The following ADAMTS16 variants were observed in gnomAD, a reference collection of about 807,000 sequenced individuals.
ADAMTS16 encodes the protein ADAM metallopeptidase with thrombospondin type 1 motif 16.
Under a neutral mutation model 145.8 loss-of-function variants are expected in ADAMTS16, and 94 were observed. That is an observed-to-expected ratio of 0.64 (90% CI 0.55 to 0.77). The LOEUF is 0.77. ADAMTS16 is among the 30% of genes least tolerant of loss of function. ADAMTS16 has a pLI of 0.00. For synonymous variants in ADAMTS16, 659 were observed against 604.3 expected (o/e 1.09, Z -1.33); for missense variants, 1,585 against 1,591.5 (o/e 1.00, Z 0.07).
chr5:5,311,326 C>A (rs113050755), intron 21 of ADAMTS16, among the ~76,000 whole-genome samples: 1,276 of 127,294 alleles, frequency 0.01, 20 homozygotes, highest in African/African-American at 0.028. Flanking sequence ...AACAAAAAAA[C>A]AAAAAAACAT....
chr5:5,221,995 T>G (rs1285002902), intron 10 of ADAMTS16, among the ~76,000 whole-genome samples: 1 of 152,228 alleles, frequency 6.6e-6, no homozygotes, highest in Non-Finnish European at 1.5e-5. Flanking sequence ...TTTCAGCATG[T>G]CCAGTTGAGT....
At chr5:5,223,019 A>G in intron 11 of ADAMTS16, 135 bp downstream of exon 11, 1 of 649,006 alleles carries the variant, frequency 1.5e-6, no homozygotes. Flanking sequence ...CTCCTATCAA[A>G]CACTGTGTTT....
At chr5:5,239,305 G>T in intron 15 of ADAMTS16, 31 bp downstream of exon 15, 1 of 1,512,232 alleles carries the variant, frequency 6.6e-7, no homozygotes, top group Non-Finnish European at 8.8e-7. Flanking sequence ...TGCAAGCCTT[G>T]GGCAAAGAAG....
chr5:5,196,485 A>G (rs1006329553), intron 8 of ADAMTS16, among the ~76,000 whole-genome samples: 3 of 152,116 alleles, frequency 2.0e-5, no homozygotes, highest in African/African-American at 4.8e-5. Context: ...CCCTCTAACC[A>G]TCATCTGGAC....
chr5:5,313,003 A>T (rs1198318224), intron 21 of ADAMTS16, among the ~76,000 whole-genome samples: 1 of 152,216 alleles, frequency 6.6e-6, no homozygotes, highest in East Asian at 1.9e-4. Flanking sequence ...AGAAAGTGGA[A>T]AACAAGCTTT....
intron 9 of ADAMTS16, among the ~76,000 whole-genome samples, chr5:5,200,758 C>T (rs1735932877): frequency 6.6e-6 from 1 of 151,258 alleles, no homozygotes; most frequent in Non-Finnish European, 1.5e-5. Flanking sequence ...TAAATGCATT[C>T]CTCATTAGGT....
intron 18 of ADAMTS16, among the ~76,000 whole-genome samples, chr5:5,292,091 G>A (rs1319669612): frequency 1.3e-5 from 2 of 152,284 alleles, no homozygotes; most frequent in East Asian, 3.9e-4. Flanking sequence ...TCATAGTCAA[G>A]CCACCAGCCT....
intron 18 of ADAMTS16, among the ~76,000 whole-genome samples, chr5:5,285,643 A>G (rs1036473533): frequency 6.6e-6 from 1 of 152,200 alleles, no homozygotes; most frequent in African/African-American, 2.4e-5. Context: ...TATTATAGGA[A>G]CTCTGTAAAC....
intron 3 of ADAMTS16, among the ~76,000 whole-genome samples, chr5:5,161,053 T>A (rs1734733258): frequency 6.6e-6 from 1 of 152,224 alleles, no homozygotes; most frequent in African/African-American, 2.4e-5. Context: ...AGCTTTCAGT[T>A]ACATATACAC....
intron 15 of ADAMTS16, 138 bp downstream of exon 15, chr5:5,239,412 T>C: frequency 2.2e-6 from 3 of 1,334,036 alleles, no homozygotes. Context: ...GGCGCTTTGC[T>C]TCTCGAGCCT....
At chr5:5,229,027 G>A (rs1201575172) in intron 11 of ADAMTS16, among the ~76,000 whole-genome samples, 3 of 152,110 alleles carry the variant, frequency 2.0e-5, no homozygotes, top group Non-Finnish European at 2.9e-5. Flanking sequence ...GGCCGGGCGC[G>A]GTGGCTCACG....
intron 10 of ADAMTS16, among the ~76,000 whole-genome samples, chr5:5,221,093 C>T (rs763490640): frequency 1.8e-4 from 27 of 152,044 alleles, no homozygotes; most frequent in Non-Finnish European, 3.7e-4. Flanking sequence ...ACCCAGACAT[C>T]GAGCCGGTGT....
At chr5:5,238,938 G>A (rs1480466946) in intron 14 of ADAMTS16, among the ~76,000 whole-genome samples, 2 of 152,196 alleles carry the variant, frequency 1.3e-5, no homozygotes, top group Non-Finnish European at 2.9e-5. Context: ...GACAGGTTAC[G>A]GTTCACGGTT....
chr5:5,186,431 A>G (rs1456194958), intron 5 of ADAMTS16, among the ~76,000 whole-genome samples, 180 bp downstream of exon 5: 1 of 152,144 alleles, frequency 6.6e-6, no homozygotes, highest in Non-Finnish European at 1.5e-5. Context: ...CAATGAAAAG[A>G]GCCATTTTCA....
chr5:5,150,760 C>T (rs938170366), intron 3 of ADAMTS16, among the ~76,000 whole-genome samples: 7 of 152,182 alleles, frequency 4.6e-5, no homozygotes, highest in African/African-American at 7.2e-5. Context: ...CATAGTCATC[C>T]GTAGAATTGT....
chr5:5,305,785 C>T (rs1351181717), intron 20 of ADAMTS16, among the ~76,000 whole-genome samples: 1 of 152,224 alleles, frequency 6.6e-6, no homozygotes, highest in Non-Finnish European at 1.5e-5. Flanking sequence ...GTCCGCTCTA[C>T]CCCAGCAGGA....
rs55703329 is a variant in ADAMTS16 at position 5,215,870 on chromosome 5, G to GTATATATA, written c.1605+6662_1605+6669dup. 2.8e-3 allele frequency among the ~76,000 whole-genome samples: 287 copies of GTATATATA among 101,422 alleles called. 3 individuals carry two copies. The highest frequency in any genetic ancestry group is 3.9e-3 in the Admixed American group (36 of 9,300). The allele number at this position is 101,422 out of a possible 152,430, so 66.5% of individuals were successfully genotyped here. On this transcript the variant is annotated intron_variant, in intron 10 of 22. Transcript: ENST00000274181. ...ATATATATATATGTGGTGTGTATGT[G>GTATATATA]TATATATATATATATATATATATAT... is the stretch of plus-strand genomic sequence containing the variant.
chr5:5,144,588 C>T (rs62339869), intron 2 of ADAMTS16, among the ~76,000 whole-genome samples: 22,994 of 152,160 alleles, frequency 0.15, 1,835 homozygotes, highest in East Asian at 0.28. Flanking sequence ...ATTATTTCCT[C>T]AGGGTGATTT....
intron 3 of ADAMTS16, among the ~76,000 whole-genome samples, chr5:5,167,131 T>C (rs1734906322): frequency 6.6e-6 from 1 of 152,242 alleles, no homozygotes. Flanking sequence ...CTTCACATTT[T>C]ATGATGACTA....
Sources: allele counts gnomAD v4.1 joint callset (sites outside exome capture counted in the v4.1 genomes callset), GRCh38; gene constraint gnomAD v4.1.1; transcripts MANE v1.5; gene names NCBI Gene and HGNC (gene_info 2026-07-23, HGNC 2026-07-21).